The following TAFA1 variants were observed in gnomAD, a reference collection of about 807,000 sequenced individuals.
TAFA1 encodes TAFA chemokine like family member 1.
Under a neutral mutation model 18.5 loss-of-function variants are expected in TAFA1, and 4 were observed. That is an observed-to-expected ratio of 0.22 (90% confidence interval 0.11 to 0.49). The LOEUF (loss-of-function observed/expected upper bound fraction) is 0.49. Among genes scored for constraint, TAFA1 ranks in the 20% least tolerant of loss-of-function variants. The pLI is 0.98. For synonymous variants in TAFA1, 56 were observed against 55.2 expected (o/e 1.01, Z -0.06); for missense variants, 147 against 169.0 (o/e 0.87, Z 0.72).
intron 2 of TAFA1, among the ~76,000 whole-genome samples, chr3:68,183,729 A>G (rs1333045084): frequency 6.6e-6 from 1 of 152,154 alleles, no homozygotes; most frequent in African/African-American, 2.4e-5. Context: ...CTTTGGTAAT[A>G]CAAGGGATTG....
intron 2 of TAFA1, among the ~76,000 whole-genome samples, chr3:68,166,498 C>A (rs1241193715): frequency 2.6e-5 from 4 of 152,134 alleles, no homozygotes; most frequent in Non-Finnish European, 4.4e-5. Flanking sequence ...CATTTTGACA[C>A]CCCTAGAAAG....
At chr3:68,036,596 C>G (rs998336520) in intron 2 of TAFA1, among the ~76,000 whole-genome samples, 1 of 151,920 alleles carries the variant, frequency 6.6e-6, no homozygotes, top group Non-Finnish European at 1.5e-5. Context: ...GAGGAAAACT[C>G]TCTCTGAGCC....
chr3:68,423,868 AAT>A (rs61688091), intron 3 of TAFA1, among the ~76,000 whole-genome samples: 1,619 of 152,036 alleles, frequency 0.011, 24 homozygotes, highest in African/African-American at 0.036. Context: ...TTAAGAAAAA[AAT>A]CTCTATGATA....
intron 2 of TAFA1, among the ~76,000 whole-genome samples, chr3:68,286,658 T>G (rs1454730885): frequency 6.6e-6 from 1 of 152,178 alleles, no homozygotes; most frequent in Non-Finnish European, 1.5e-5. Context: ...TCTGAGTACC[T>G]GCTATGTAGG....
In TAFA1 at chr3:68,198,236, C is replaced by A. The variant is rs1463391140; in HGVS notation, c.118+191492C>A. On this transcript the variant is annotated intron_variant, in intron 2 of 4. Transcript: ENST00000478136. The stretch of plus-strand genomic sequence containing the variant: ...TTTCTTTTTAGCACGTAATAATATT[C>A]CATTGTCTGGGTGTATCTCAGTTTT... Among the ~76,000 whole-genome samples, 4 of 151,656 alleles carry A rather than the reference C, an allele frequency of 2.6e-5. 1 individual carries two copies. The East Asian group carries it at 7.8e-4, about 30-fold the overall frequency.
At chr3:68,168,386 A>G (rs2066011320) in intron 2 of TAFA1, among the ~76,000 whole-genome samples, 2 of 152,248 alleles carry the variant, frequency 1.3e-5, no homozygotes, top group South Asian at 2.1e-4. Context: ...ATGTGTATTT[A>G]GTAACCACAC....
chr3:67,992,954 C>T, the TAFA1 span, among the ~76,000 whole-genome samples: 1,216 of 152,274 alleles, frequency 8.0e-3, 8 homozygotes, highest in Non-Finnish European at 0.014. Context: ...TGGGAATTCC[C>T]GAGTGGTCAG....
chr3:68,477,014 C>G (rs1304910215), intron 3 of TAFA1, among the ~76,000 whole-genome samples: 1 of 152,088 alleles, frequency 6.6e-6, no homozygotes, highest in African/African-American at 2.4e-5. Context: ...TCAGAGACCC[C>G]CATGTGTCTC....
intron 2 of TAFA1, among the ~76,000 whole-genome samples, chr3:68,296,257 AG>A (rs1457792933): frequency 7.0e-6 from 1 of 143,272 alleles, no homozygotes. Context: ...TTTTATCTAC[AG>A]CCTTTTAAAA....
chr3:68,370,490 A>ATG (rs1559637856), intron 2 of TAFA1, among the ~76,000 whole-genome samples: 55 of 92,994 alleles, frequency 5.9e-4, no homozygotes, highest in East Asian at 2.2e-3. Context: ...ATATATATAT[A>ATG]TATATATATA....
intron 2 of TAFA1, among the ~76,000 whole-genome samples, chr3:68,378,901 C>G (rs560335621): frequency 6.6e-6 from 1 of 152,276 alleles, no homozygotes; most frequent in African/African-American, 2.4e-5. Context: ...CCTTCTGCCA[C>G]GTTTCTAAGT....
rs1204508287 is a variant in TAFA1, at chr3:68,107,999, T to G, written c.118+101255T>G. 4.6e-5 allele frequency among the ~76,000 whole-genome samples: 7 copies of G among 152,082 alleles called. 1 individual carries two copies. The East Asian group carries it at 1.3e-3, about 29-fold the overall frequency. ...CCTGGTGATTCAATGCTATAACGTA[T>G]GGGTGAGGAAGTGCAGAAAATGACA... is the stretch of plus-strand genomic sequence containing the variant. On this transcript the variant is annotated intron_variant, in intron 2 of 4. Coordinates refer to ENST00000478136, the MANE Select transcript of TAFA1 (RefSeq NM_213609.4).
At chr3:68,347,765 C>T (rs1021434238) in intron 2 of TAFA1, among the ~76,000 whole-genome samples, 1 of 152,328 alleles carries the variant, frequency 6.6e-6, no homozygotes, top group African/African-American at 2.4e-5. Flanking sequence ...TTAATCATAT[C>T]ATATATTCTA....
intron 2 of TAFA1, among the ~76,000 whole-genome samples, chr3:68,343,908 A>G (rs1201997093): frequency 6.6e-6 from 1 of 152,196 alleles, no homozygotes; most frequent in East Asian, 1.9e-4. Flanking sequence ...ATATGTCATG[A>G]TCTCGGCTCA....
intron 2 of TAFA1, among the ~76,000 whole-genome samples, chr3:68,231,521 C>T (rs900387741): frequency 2.2e-3 from 332 of 150,466 alleles, no homozygotes; most frequent in African/African-American, 7.6e-3. Context: ...CCACCGCGCC[C>T]GGCTAATTTT....
intron 2 of TAFA1, among the ~76,000 whole-genome samples, chr3:68,108,683 A>T (rs1317403931): frequency 2.0e-5 from 3 of 152,146 alleles, no homozygotes; most frequent in African/African-American, 7.2e-5. Context: ...TCTGGAGAAT[A>T]CTGTCATTGC....
intron 3 of TAFA1, among the ~76,000 whole-genome samples, chr3:68,473,993 C>T (rs1000134673): frequency 2.6e-5 from 4 of 151,054 alleles, no homozygotes; most frequent in Admixed American, 6.6e-5. Flanking sequence ...TCAACATGAG[C>T]AAAGTGAATT....
At chr3:68,277,210 A>G (rs1169570242) in intron 2 of TAFA1, among the ~76,000 whole-genome samples, 2 of 152,176 alleles carry the variant, frequency 1.3e-5, no homozygotes, top group Non-Finnish European at 2.9e-5. Context: ...GGACACCTAG[A>G]TAGTTCAGTA....
At chr3:68,076,272 T>C (rs2064822332) in intron 2 of TAFA1, among the ~76,000 whole-genome samples, 1 of 135,872 alleles carries the variant, frequency 7.4e-6, no homozygotes, top group Admixed American at 7.4e-5. Flanking sequence ...TTTTCCATTG[T>C]TCCTACTTCT....
Sources: gnomAD v4.1 joint callset for allele counts (sites outside exome capture counted in the v4.1 genomes callset) on GRCh38, gnomAD v4.1.1 for gene constraint, MANE v1.5 for transcripts, NCBI Gene and HGNC (gene_info 2026-07-23, HGNC 2026-07-21) for gene names.